TRMT44: variants seen among roughly 807,000 people sequenced by gnomAD.
TRMT44 encodes the protein tRNA methyltransferase 44 homolog.
Under a neutral mutation model 77.3 loss-of-function variants are expected in TRMT44, and 78 were observed. That is an observed-to-expected ratio of 1.01 (90% CI 0.84 to 1.22). The LOEUF (loss-of-function observed/expected upper bound fraction) is 1.22. Among genes scored for constraint, TRMT44 ranks in the 50% most tolerant of loss-of-function variants. TRMT44 has a pLI of 0.00. For missense variants in TRMT44, 1,090 were observed against 964.4 expected (o/e 1.13, Z -1.73); for synonymous variants, 391 against 383.3 (o/e 1.02, Z -0.23).
chr4:8,496,377 G>A (rs568568568), downstream of TRMT44, among the ~76,000 whole-genome samples: 2 of 152,142 alleles, frequency 1.3e-5, no homozygotes, highest in East Asian at 1.9e-4. Flanking sequence ...TCTTATCCCG[G>A]CCTGCAGCAG....
chr4:8,454,920 A>G (rs1725705364), intron 6 of TRMT44, 107 bp downstream of exon 6: 2 of 984,256 alleles, frequency 2.0e-6, no homozygotes, highest in South Asian at 2.8e-5. Flanking sequence ...ACATGCTGAT[A>G]GTAAACCTTC....
chr4:8,447,050 A>G (rs1271395996), intron 2 of TRMT44, among the ~76,000 whole-genome samples: 2 of 151,874 alleles, frequency 1.3e-5, no homozygotes, highest in African/African-American at 4.8e-5. Flanking sequence ...TAATTTTTGT[A>G]TTTTCAGTAG....
Position 8,441,040 on chromosome 4 carries a change from G to T in TRMT44, c.218G>T (p.Gly73Val), listed in dbSNP as rs1276035757. The change falls in exon 1 of 11, where the codon GGA becomes GTA. Residue 73 changes from glycine (G) to valine (V), a missense_variant. Coordinates refer to ENST00000389737, the MANE Select transcript of TRMT44 (RefSeq NM_152544.3). Reference protein sequence around the residue: ...AGSEQKERGPGPGQGSPGGGP... With the variant: ...AGSEQKERGPVPGQGSPGGGP... ...TCGGAGCAGAAGGAGCGGGGTCCGGGACCCGGCCAGGGTTCCCCCGGAGGG... is the reference window on the plus strand; with the variant it reads ...TCGGAGCAGAAGGAGCGGGGTCCGGTACCCGGCCAGGGTTCCCCCGGAGGG... The T allele has an allele frequency of 6.7e-7, 1 of 1,492,038 alleles. No homozygotes were observed. The highest frequency in any genetic ancestry group is 1.4e-5 in the African/African-American group (1 of 71,430). 92.4% of individuals were successfully genotyped at this position (1,492,038 alleles called of 1,614,324 possible).
At chr4:8,458,464 CTTTTT>C (rs56203512) in intron 6 of TRMT44, among the ~76,000 whole-genome samples, 1 of 130,330 alleles carries the variant, frequency 7.7e-6, no homozygotes, top group Admixed American at 8.0e-5. Context: ...CTTTTCTTTT[CTTTTT>C]TTTTTTTTTT....
At chr4:8,460,985 C>T (rs1470659219) in intron 6 of TRMT44, among the ~76,000 whole-genome samples, 1 of 152,090 alleles carries the variant, frequency 6.6e-6, no homozygotes, top group African/African-American at 2.4e-5. Context: ...GTAGCTGGGG[C>T]CGCAGGTGCA....
Position 8,441,171 on chromosome 4 carries a change from G to A in TRMT44, c.349G>A (p.Ala117Thr). The A allele has an allele frequency of 1.3e-6, 2 of 1,529,416 alleles. No homozygotes were observed. The highest frequency in any genetic ancestry group is 1.8e-6 in the Non-Finnish European group (2 of 1,142,384). The allele number at this position is 1,529,416 out of a possible 1,614,324, so 94.7% of individuals were successfully genotyped here. ...CQQEEAQREA[A>T]SVPLRDSGHP... is the part of the protein sequence containing the mutation. ...GCAAGAGGAGGCACAGAGGGAAGCC[G>A]CCTCAGTGCCCCTGAGGGACTCCGG... Residue 117 changes from alanine (A) to threonine (T), a missense_variant, in exon 1 of 11, where the codon GCC (alanine) becomes ACC (threonine). Coordinates refer to ENST00000389737, the MANE Select transcript of TRMT44 (RefSeq NM_152544.3).
chr4:8,484,332 C>T (rs967536568), intron 2 of TRMT44, among the ~76,000 whole-genome samples: 5 of 152,048 alleles, frequency 3.3e-5, no homozygotes, highest in Non-Finnish European at 5.9e-5. Context: ...GGAGACTCAA[C>T]AAAGAGTGAG....
chr4:8,487,915 G>C (rs1727868317), intron 2 of TRMT44, among the ~76,000 whole-genome samples: 1 of 152,170 alleles, frequency 6.6e-6, no homozygotes, highest in African/African-American at 2.4e-5. Context: ...CCAAGGGAAG[G>C]CTGCCTTCCC....
chr4:8,474,691 G>A lies in TRMT44; in HGVS notation c.2045-1081G>A, dbSNP rs535635347. Among the ~76,000 whole-genome samples the A allele has an allele frequency of 2.6e-5, 4 of 152,304 alleles. No individual in the cohort carries two copies. The East Asian group carries it at 7.7e-4, about 29-fold the overall frequency. On this transcript the variant is annotated intron_variant, in intron 10 of 10. Transcript: ENST00000389737. The stretch of plus-strand genomic sequence containing the variant: ...CTCACTGAGGCTCCTTTATTCCCCC[G>A]AGCCTTCTGTCGTGAGCGGTTTCCT...
At chr4:8,488,432 G>A (rs1727887113) in intron 2 of TRMT44, among the ~76,000 whole-genome samples, 1 of 152,206 alleles carries the variant, frequency 6.6e-6, no homozygotes, top group Non-Finnish European at 1.5e-5. Context: ...GTCAAAGGAG[G>A]TTTGTTCTCT....
chr4:8,454,019 C>G (rs1376122499), intron 5 of TRMT44, among the ~76,000 whole-genome samples: 1 of 152,152 alleles, frequency 6.6e-6, no homozygotes, highest in East Asian at 1.9e-4. Flanking sequence ...AGCTTGGTAG[C>G]TGGTACCTGG....
Position 8,441,095 on chromosome 4 carries a change from C to G in TRMT44, c.273C>G (p.Pro91=), listed in dbSNP as rs540073637. 1.4e-5 allele frequency: 21 copies of G among 1,508,042 alleles called. No homozygotes were observed. In the East Asian group the frequency reaches 5.2e-4, roughly 37 times the overall value. 93.4% of individuals were successfully genotyped at this position (1,508,042 alleles called of 1,614,324 possible). The change falls in exon 1 of 11, where the codon CCC becomes CCG. Residue 91 remains proline, a synonymous_variant. Transcript: ENST00000389737. ...GGPGPRSLSG[P]EQGTACCELE... ...CGGGTCCCAGGTCGCTATCAGGACC[C>G]GAGCAGGGCACGGCATGTTGCGAAC...
chr4:8,445,946 C>T (rs1306508867), intron 1 of TRMT44, among the ~76,000 whole-genome samples: 1 of 152,166 alleles, frequency 6.6e-6, no homozygotes, highest in Non-Finnish European at 1.5e-5. Context: ...GTAAATTTAG[C>T]TTAGGAATAT....
At position 8,475,965 on chromosome 4, in the gene TRMT44, G is replaced by C; in HGVS notation, c.2238G>C (p.Arg746=). The C allele has an allele frequency of 1.2e-6, 2 of 1,614,066 alleles. No homozygotes were observed. Among genetic ancestry groups the C allele is most frequent in the Non-Finnish European group, 1.7e-6 (2 of 1,180,024 alleles). ...TTGCCCATGGGCCTGCGGAGCTGCG[G>C]CCACCCCGGACCACCCCGAGGAAGA... ...CPFAHGPAEL[R]PPRTTPRKKI... Residue 746 remains arginine (R), a synonymous_variant, in exon 11 of 11, where the codon CGG becomes CGC. Coordinates refer to ENST00000389737, the MANE Select transcript of TRMT44 (RefSeq NM_152544.3).
At chr4:8,512,871 A>G in the TRMT44 span, among the ~76,000 whole-genome samples, 431 of 152,264 alleles carry the variant, frequency 2.8e-3, 6 homozygotes, top group African/African-American at 9.9e-3. Flanking sequence ...GAGATGTTCC[A>G]TTGTGTTTTT....
intron 2 of TRMT44, among the ~76,000 whole-genome samples, chr4:8,491,246 T>C (rs1727994025): frequency 6.6e-6 from 1 of 152,064 alleles, no homozygotes; most frequent in African/African-American, 2.4e-5. Flanking sequence ...CTCACAAACC[T>C]AGAGCTAAAT....
At chr4:8,512,674 G>C in the TRMT44 span, 2 of 152,220 alleles carry the variant, frequency 1.3e-5, no homozygotes, top group African/African-American at 4.8e-5. Flanking sequence ...TGCGTGTGCA[G>C]TGCTGACCCA....
chr4:8,505,185 C>T, the TRMT44 span, among the ~76,000 whole-genome samples: 3 of 152,250 alleles, frequency 2.0e-5, no homozygotes, highest in African/African-American at 7.2e-5. Context: ...GTGGCAGAAA[C>T]TGGCTGGAGC....
the TRMT44 span, chr4:8,509,326 G>A: frequency 2.0e-4 from 30 of 152,726 alleles, 1 homozygote; most frequent in Admixed American, 1.5e-3. Context: ...TGGCAGTGGC[G>A]AGTGAGTGGC....
Sources: gnomAD v4.1 joint callset for allele counts (sites outside exome capture counted in the v4.1 genomes callset) on GRCh38, gnomAD v4.1.1 for gene constraint, MANE v1.5 for transcripts, NCBI Gene and HGNC (gene_info 2026-07-23, HGNC 2026-07-21) for gene names.